Variants in RHOBTB1 observed in about 807,000 individuals in gnomAD.
RHOBTB1 encodes rho-related BTB domain-containing protein 1.
A neutral mutation model predicts 71.6 loss-of-function variants in RHOBTB1; 40 were observed. That is an observed-to-expected ratio of 0.56 (90% confidence interval 0.43 to 0.73). The LOEUF (loss-of-function observed/expected upper bound fraction) is 0.73, where lower values mean the gene tolerates loss of function less well. Among genes scored for constraint, RHOBTB1 ranks in the 30% least tolerant of loss-of-function variants. The pLI, the probability that RHOBTB1 is intolerant of heterozygous loss-of-function variation, is 0.00. For synonymous variants in RHOBTB1, 319 were observed against 334.9 expected (o/e 0.95, Z 0.52); for missense variants, 797 against 894.0 (o/e 0.89, Z 1.38).
intron 7 of RHOBTB1, among the ~76,000 whole-genome samples, chr10:60,883,217 T>C (rs2132473196): frequency 6.6e-6 from 1 of 152,318 alleles, no homozygotes; most frequent in African/African-American, 2.4e-5. Context: ...CTGGTCTGAA[T>C]GTATACAAAC....
Position 60,911,418 on chromosome 10 carries a change from T to C in RHOBTB1, c.125A>G (p.Gln42Arg), listed in dbSNP as rs2082963762. 2 of 1,614,070 alleles carry C rather than the reference T, an allele frequency of 1.2e-6. No homozygotes were observed. Among genetic ancestry groups the C allele is most frequent in the African/African-American group, 1.3e-5 (1 of 74,940 alleles). The change falls in exon 3 of 11, where the codon CAG becomes CGG. Residue 42 changes from glutamine (Q) to arginine (R), a missense_variant. This residue lies in a region of RHOBTB1 where 139 missense variants were observed against 212.5 expected (regional missense o/e 0.65). Coordinates refer to ENST00000337910, the MANE Select transcript of RHOBTB1 (RefSeq NM_014836.5). ...CARACNTTLT[Q>R]YQLLATHVPT... ...CACGTGGGTGGCCAGCAGCTGATAC[T>C]GCGTGAGTGTGGTGTTGCACGCCCT...
Position 60,888,938 on chromosome 10 carries a change from T to C in RHOBTB1, c.730A>G (p.Lys244Glu), listed in dbSNP as rs1314535083. The C allele has an allele frequency of 4.3e-6, 7 of 1,614,204 alleles. No individual in the cohort carries two copies. The highest frequency in any genetic ancestry group is 5.9e-6 in the Non-Finnish European group (7 of 1,180,030). ...CCCATGGAAGGACACTCTGGAATTT[T>C]GATGACCGGTGGAGGGGCTTTTGGA... Reference protein sequence around the residue: ...LPPKAPPPVIKIPECPSMGTN... With the variant: ...LPPKAPPPVIEIPECPSMGTN... The change falls in exon 6 of 11, where the codon AAA becomes GAA. Residue 244 changes from lysine to glutamate, a missense_variant. Around this residue, in one of 2 missense-constraint regions of RHOBTB1, gnomAD observed 658 missense variants for 681.5 expected, o/e 0.97. Coordinates refer to ENST00000337910, the MANE Select transcript of RHOBTB1 (RefSeq NM_014836.5).
At chr10:60,891,906 C>A (rs1283790059) in intron 5 of RHOBTB1, among the ~76,000 whole-genome samples, 1 of 152,072 alleles carries the variant, frequency 6.6e-6, no homozygotes, top group African/African-American at 2.4e-5. Flanking sequence ...GCGGTTCCCC[C>A]ATGCTATTCT....
At chr10:60,964,832 G>A (rs2085903215) in intron 2 of RHOBTB1, among the ~76,000 whole-genome samples, 2 of 152,224 alleles carry the variant, frequency 1.3e-5, no homozygotes, top group South Asian at 4.1e-4. Context: ...AGATCAACTT[G>A]TGATTTTTAC....
chr10:60,939,538 C>A (rs1329483750), intron 2 of RHOBTB1, among the ~76,000 whole-genome samples: 1 of 152,136 alleles, frequency 6.6e-6, no homozygotes, highest in Non-Finnish European at 1.5e-5. Flanking sequence ...CTACCCTTGT[C>A]TACACACACT....
intron 1 of RHOBTB1, among the ~76,000 whole-genome samples, chr10:60,988,287 G>T (rs1002936971): frequency 1.3e-5 from 2 of 151,996 alleles, no homozygotes; most frequent in Non-Finnish European, 2.9e-5. Context: ...AAAGAACTAA[G>T]ATTTTATTTT....
chr10:60,947,489 C>G (rs1184032335), upstream of RHOBTB1, among the ~76,000 whole-genome samples: 1 of 152,268 alleles, frequency 6.6e-6, no homozygotes, highest in East Asian at 1.9e-4. Context: ...ACCCCCAATC[C>G]CCAACCATTA....
In RHOBTB1 at chr10:60,870,776, T is replaced by G. The variant is rs1471243770; in HGVS notation, c.*706A>C. On this transcript the variant is annotated 3_prime_UTR_variant, in exon 11 of 11. Coordinates refer to ENST00000337910, the MANE Select transcript of RHOBTB1 (RefSeq NM_014836.5). ...ATTATAAAGATTGTCCTCTTGAAAC[T>G]AGACATTGGAAACAACAGAATATTT... 6.6e-6 allele frequency: 1 copy of G among 152,648 alleles called. No homozygotes were observed. Among genetic ancestry groups the G allele is most frequent in the Non-Finnish European group, 1.5e-5 (1 of 68,038 alleles). The allele number at this position is 152,648 out of a possible 1,614,324, so 9.5% of individuals were successfully genotyped here.
intron 2 of RHOBTB1, among the ~76,000 whole-genome samples, chr10:60,962,425 A>G (rs2085814356): frequency 6.6e-6 from 1 of 152,194 alleles, no homozygotes; most frequent in African/African-American, 2.4e-5. Context: ...AACCATTTAC[A>G]GGTTTGTCTC....
At chr10:60,986,057 G>A (rs1444280657) in intron 1 of RHOBTB1, 1 of 152,094 alleles carries the variant, frequency 6.6e-6, no homozygotes, top group Non-Finnish European at 1.5e-5. Context: ...TGAGAAGTAT[G>A]CCAGCCAACT....
chr10:60,963,967 G>A (rs1244422677), intron 2 of RHOBTB1, among the ~76,000 whole-genome samples: 1 of 152,020 alleles, frequency 6.6e-6, no homozygotes, highest in Non-Finnish European at 1.5e-5. Flanking sequence ...ACCTTGATTT[G>A]TTTGCCTTGA....
At chr10:60,994,408 C>A (rs1049857881) in intron 1 of RHOBTB1, among the ~76,000 whole-genome samples, 9 of 152,280 alleles carry the variant, frequency 5.9e-5, no homozygotes, top group African/African-American at 1.9e-4. Context: ...CAAGCACCAT[C>A]TGAGGGAAGA....
At chr10:60,889,568 T>C (rs1761697908) in intron 5 of RHOBTB1, among the ~76,000 whole-genome samples, 1 of 152,244 alleles carries the variant, frequency 6.6e-6, no homozygotes, top group African/African-American at 2.4e-5. Context: ...ATTAATAGGT[T>C]AATTCTGATA....
chr10:60,866,879 G>A (rs1015450639), downstream of RHOBTB1, among the ~76,000 whole-genome samples: 6 of 152,008 alleles, frequency 3.9e-5, no homozygotes, highest in Non-Finnish European at 8.8e-5. Context: ...TCAGCATTTG[G>A]TTGAAGAGAT....
chr10:60,935,302 C>G (rs1200300569), intron 2 of RHOBTB1, among the ~76,000 whole-genome samples: 1 of 151,944 alleles, frequency 6.6e-6, no homozygotes, highest in Admixed American at 6.6e-5. Flanking sequence ...TATTAGAAGT[C>G]AAGATAAGGG....
intron 4 of RHOBTB1, among the ~76,000 whole-genome samples, chr10:60,900,302 T>C (rs758280762): frequency 1.1e-4 from 17 of 152,116 alleles, no homozygotes; most frequent in Non-Finnish European, 2.2e-4. Flanking sequence ...GGATGGTGAC[T>C]CTGCTGAGCC....
At chr10:60,949,971 T>C (rs2085357671) in intron 2 of RHOBTB1, among the ~76,000 whole-genome samples, 1 of 152,208 alleles carries the variant, frequency 6.6e-6, no homozygotes, top group African/African-American at 2.4e-5. Context: ...CCTTTCTGTG[T>C]GGATTCATTC....
intron 2 of RHOBTB1, among the ~76,000 whole-genome samples, chr10:60,962,426 G>C (rs2085814484): frequency 6.6e-6 from 1 of 152,084 alleles, no homozygotes; most frequent in Admixed American, 6.6e-5. Flanking sequence ...ACCATTTACA[G>C]GTTTGTCTCA....
upstream of RHOBTB1, among the ~76,000 whole-genome samples, chr10:60,946,138 ACTGCAC>A (rs2085225113): frequency 6.6e-6 from 1 of 151,886 alleles, no homozygotes; most frequent in South Asian, 2.1e-4. Context: ...AGATCGCGCC[ACTGCAC>A]TCCAGCCTGG....
Sources: gnomAD v4.1 joint callset for allele counts (sites outside exome capture counted in the v4.1 genomes callset) on GRCh38, gnomAD v4.1.1 for gene constraint, gnomAD v4.1.1 regional missense constraint, MANE v1.5 for transcripts, NCBI Gene and HGNC (gene_info 2026-07-23, HGNC 2026-07-21) for gene names.